MAP1B: variants seen among roughly 807,000 people sequenced by gnomAD.
MAP1B encodes the protein microtubule associated protein 1B.
Under a neutral mutation model 176.1 loss-of-function variants are expected in MAP1B, and 12 were observed. The observed-to-expected ratio is 0.07, with a 90% CI of 0.04 to 0.11. MAP1B has a LOEUF of 0.11. Among genes scored for constraint, MAP1B ranks in the 10% least tolerant of loss-of-function variants. MAP1B has a pLI of 1.00. For missense variants in MAP1B, 2,523 were observed against 2,990.5 expected (o/e 0.84, Z 3.65); for synonymous variants, 1,044 against 1,135.0 (o/e 0.92, Z 1.61).
chr5:72,139,659 A>G (rs775159758), intron 2 of MAP1B, among the ~76,000 whole-genome samples: 12 of 152,214 alleles, frequency 7.9e-5, no homozygotes, highest in Non-Finnish European at 1.6e-4. Context: ...GAGGGTAAGA[A>G]AGGCAGTTTG....
intron 2 of MAP1B, among the ~76,000 whole-genome samples, chr5:72,170,331 A>G (rs1387612838): frequency 6.6e-6 from 1 of 152,180 alleles, no homozygotes; most frequent in African/African-American, 2.4e-5. Context: ...AAACAATGGT[A>G]TGAAGGGAAG....
chr5:72,198,971 T>C lies in MAP1B; in HGVS notation c.5616T>C (p.Tyr1872=). ...GKTPGDFSYA[Y]QKPEETTRSP... ...CACCTGGTGACTTTAGCTATGCCTA[T>C]CAAAAGCCTGAGGAAACAACCAGGT... Residue 1872 remains tyrosine, a synonymous_variant, in exon 5 of 7, where the codon TAT becomes TAC. Coordinates refer to ENST00000296755, the MANE Select transcript of MAP1B (RefSeq NM_005909.5). 6.2e-7 allele frequency: 1 copy of C among 1,614,118 alleles called. No homozygotes were observed. Among genetic ancestry groups the C allele is most frequent in the South Asian group, 1.1e-5 (1 of 91,072 alleles).
intron 5 of MAP1B, 85 bp from the exon 6 acceptor site, chr5:72,203,478 G>A (rs1381561750): frequency 1.1e-6 from 1 of 926,994 alleles, no homozygotes; most frequent in South Asian, 1.4e-5. Flanking sequence ...AATAGGGAAG[G>A]TGTGATTGAG....
intron 2 of MAP1B, among the ~76,000 whole-genome samples, chr5:72,172,876 G>A (rs1746574774): frequency 6.6e-6 from 1 of 152,158 alleles, no homozygotes; most frequent in Non-Finnish European, 1.5e-5. Context: ...GCCTCTTATT[G>A]GACAGAGCCA....
chr5:72,113,687 C>A (rs1204517693), intron 1 of MAP1B, among the ~76,000 whole-genome samples: 1 of 152,178 alleles, frequency 6.6e-6, no homozygotes, highest in Non-Finnish European at 1.5e-5. Flanking sequence ...TCATTATTAA[C>A]TTATTGACCC....
intron 2 of MAP1B, among the ~76,000 whole-genome samples, chr5:72,128,261 T>C (rs918928661): frequency 2.6e-5 from 4 of 152,314 alleles, no homozygotes; most frequent in African/African-American, 9.6e-5. Context: ...AGTAGCGATT[T>C]CTTATCACTG....
rs771304975 is a variant in MAP1B, at chr5:72,198,090, G to T, written c.4735G>T (p.Gly1579Cys). The change falls in exon 5 of 7, where the codon GGC (glycine) becomes TGC (cysteine). Residue 1579 changes from glycine to cysteine, a missense_variant. Gly to Cys is a radical substitution (Grantham distance 159). This residue lies in a region of MAP1B where 1,925 missense variants were observed against 2,126.0 expected (regional missense o/e 0.91). Coordinates refer to ENST00000296755, the MANE Select transcript of MAP1B (RefSeq NM_005909.5). ...GTCTCCATCTCTGCATGCTGAGGTTGGCTCCCCACATTCCACAGAAGTAGA... is the reference window on the plus strand; with the variant it reads ...GTCTCCATCTCTGCATGCTGAGGTTTGCTCCCCACATTCCACAGAAGTAGA... ...DVSPSLHAEVGSPHSTEVDDS... is the reference protein window; with the variant it reads ...DVSPSLHAEVCSPHSTEVDDS... 1.9e-6 allele frequency: 3 copies of T among 1,614,158 alleles called. No individual in the cohort carries two copies. In the East Asian group the frequency reaches 6.7e-5, roughly 36 times the overall value.
intron 2 of MAP1B, among the ~76,000 whole-genome samples, chr5:72,165,806 A>G (rs1746416216): frequency 6.6e-6 from 1 of 152,222 alleles, no homozygotes; most frequent in African/African-American, 2.4e-5. Context: ...AATCTTGCAT[A>G]CTGCCAGTAG....
intron 2 of MAP1B, among the ~76,000 whole-genome samples, chr5:72,121,925 C>T (rs1165059447): frequency 2.0e-5 from 3 of 152,228 alleles, no homozygotes; most frequent in Non-Finnish European, 2.9e-5. Context: ...CCTGCAATTT[C>T]AGAGGGACAG....
chr5:72,163,902 CTT>C (rs1746371154), intron 2 of MAP1B, among the ~76,000 whole-genome samples: 1 of 120,734 alleles, frequency 8.3e-6, no homozygotes, highest in East Asian at 2.4e-4. Context: ...TCTTTTCTTT[CTT>C]TCTCTCTCTC....
intron 2 of MAP1B, among the ~76,000 whole-genome samples, chr5:72,175,153 C>T (rs1419735940): frequency 6.7e-6 from 1 of 149,210 alleles, no homozygotes; most frequent in Non-Finnish European, 1.5e-5. Flanking sequence ...CAGCCTCAAC[C>T]TCCTGGGCTC....
chr5:72,135,634 A>G (rs1229044289), intron 2 of MAP1B, among the ~76,000 whole-genome samples: 1 of 152,174 alleles, frequency 6.6e-6, no homozygotes, highest in East Asian at 1.9e-4. Context: ...AACCCTTACA[A>G]TAGTTCTCAG....
Position 72,115,691 on chromosome 5 carries a change from T to C in MAP1B, c.185-7T>C. 2 of 1,550,876 alleles carry C rather than the reference T, an allele frequency of 1.3e-6. No individual in the cohort carries two copies. The highest frequency in any genetic ancestry group is 1.8e-6 in the Non-Finnish European group (2 of 1,122,292). ...AGTCTCTCAACTGTCTTTCTTTCCC[T>C]CCCTAGGAATCCGATCATGGGACAC... On this transcript the variant is annotated splice_polypyrimidine_tract_variant and splice_region_variant and intron_variant, in intron 1 of 6. Transcript: ENST00000296755.
chr5:72,172,537 A>G (rs935536762), intron 2 of MAP1B, among the ~76,000 whole-genome samples: 4 of 152,156 alleles, frequency 2.6e-5, no homozygotes, highest in African/African-American at 7.2e-5. Flanking sequence ...ATTTGGTTTG[A>G]TAATAACAGA....
chr5:72,131,228 G>A (rs762277325), intron 2 of MAP1B, among the ~76,000 whole-genome samples: 5 of 152,098 alleles, frequency 3.3e-5, no homozygotes, highest in Non-Finnish European at 7.4e-5. Context: ...ATGTGGTAAG[G>A]GGTAAGTAAA....
Position 72,198,890 on chromosome 5 carries a change from A to G in MAP1B, c.5535A>G (p.Leu1845=). The change falls in exon 5 of 7, where the codon CTA becomes CTG. Residue 1845 remains leucine, a synonymous_variant. Coordinates refer to ENST00000296755, the MANE Select transcript of MAP1B (RefSeq NM_005909.5). ...SVLFDTMQHH[L]ALNRDLSTPG... is the part of the protein sequence containing the mutation. ...TATTCGATACAATGCAACACCATCT[A>G]GCCTTGAATAGAGATTTGTCCACAC... 1 of 1,614,246 alleles carries G rather than the reference A, an allele frequency of 6.2e-7. No individual in the cohort carries two copies. The highest frequency in any genetic ancestry group is 8.5e-7 in the Non-Finnish European group (1 of 1,180,046).
intron 2 of MAP1B, among the ~76,000 whole-genome samples, chr5:72,158,244 G>C (rs1284470032): frequency 2.0e-5 from 3 of 151,632 alleles, no homozygotes; most frequent in African/African-American, 7.3e-5. Flanking sequence ...TCCTGACCTT[G>C]TGATCCGCTC....
intron 1 of MAP1B, among the ~76,000 whole-genome samples, chr5:72,107,946 C>T (rs1745145485): frequency 6.6e-6 from 1 of 152,224 alleles, no homozygotes; most frequent in Non-Finnish European, 1.5e-5. Context: ...TGTCACCACG[C>T]TGAGTCCGCA....
intron 4 of MAP1B, among the ~76,000 whole-genome samples, chr5:72,190,779 T>C (rs1336570591): frequency 6.6e-6 from 1 of 152,102 alleles, no homozygotes; most frequent in East Asian, 1.9e-4. Flanking sequence ...TGTTCAGGGG[T>C]CCTATTAAAT....
Sources: allele counts gnomAD v4.1 joint callset (sites outside exome capture counted in the v4.1 genomes callset), GRCh38; gene constraint gnomAD v4.1.1; regional missense constraint gnomAD v4.1.1; transcripts MANE v1.5; gene names NCBI Gene and HGNC (gene_info 2026-07-23, HGNC 2026-07-21).